Variants in PUM1 observed in about 807,000 individuals in gnomAD.
The protein encoded by PUM1 is pumilio RNA binding family member 1, also known as pumilio homolog 1.
PUM1 carries 13 observed loss-of-function variants against 131.8 expected under a neutral mutation model. The observed-to-expected ratio is 0.10, with a 90% CI of 0.06 to 0.16. The LOEUF (loss-of-function observed/expected upper bound fraction) is 0.16, where lower values mean the gene tolerates loss of function less well. PUM1 is among the 10% of genes least tolerant of loss of function. PUM1 has a pLI of 1.00. For missense variants in PUM1, 961 were observed against 1,512.4 expected (o/e 0.64, Z 6.05); for synonymous variants, 509 against 556.5 (o/e 0.91, Z 1.20).
chr1:31,062,291 A>C (rs1161018015), intron 1 of PUM1, among the ~76,000 whole-genome samples: 2 of 152,204 alleles, frequency 1.3e-5, no homozygotes, highest in Non-Finnish European at 2.9e-5. Flanking sequence ...TCTGTACTTA[A>C]GATAGAACAC....
intron 5 of PUM1, among the ~76,000 whole-genome samples, chr1:31,002,133 A>G (rs1642238823): frequency 6.6e-6 from 1 of 152,226 alleles, no homozygotes; most frequent in Non-Finnish European, 1.5e-5. Context: ...ATTAAGGTCC[A>G]TTTGAAACTC....
At chr1:30,944,621 A>G (rs1362777175) in intron 18 of PUM1, among the ~76,000 whole-genome samples, 2 of 152,226 alleles carry the variant, frequency 1.3e-5, no homozygotes, top group African/African-American at 4.8e-5. Context: ...TTCCAAAAAA[A>G]TTTAAGCAAA....
chr1:30,981,104 T>C (rs958294516), intron 8 of PUM1, among the ~76,000 whole-genome samples: 1 of 151,916 alleles, frequency 6.6e-6, no homozygotes, highest in Non-Finnish European at 1.5e-5. Context: ...GGCTGAACAC[T>C]GAAGAAATGT....
At chr1:31,038,686 T>C (rs1464060899) in intron 2 of PUM1, among the ~76,000 whole-genome samples, 2 of 152,082 alleles carry the variant, frequency 1.3e-5, no homozygotes, top group Non-Finnish European at 1.5e-5. Context: ...CGCATACAAA[T>C]ACACACAACT....
intron 2 of PUM1, among the ~76,000 whole-genome samples, chr1:31,047,717 TG>T (rs1440593473): frequency 1.3e-5 from 2 of 152,100 alleles, no homozygotes; most frequent in East Asian, 3.9e-4. Context: ...TGGAGGTGGG[TG>T]GATCACCTGA....
At chr1:30,964,450 C>G (rs1380004925) in intron 14 of PUM1, among the ~76,000 whole-genome samples, 5 of 152,106 alleles carry the variant, frequency 3.3e-5, no homozygotes, top group Non-Finnish European at 7.4e-5. Flanking sequence ...CATACTAAAG[C>G]TAACTGAATA....
intron 20 of PUM1, 138 bp from the exon 21 acceptor site, chr1:30,936,973 A>C: frequency 1.4e-6 from 1 of 705,026 alleles, no homozygotes; most frequent in Non-Finnish European, 2.3e-6. Context: ...ATGAGTCGCC[A>C]ACTGTCTGAC....
rs9286937 is a variant in PUM1, at chr1:30,997,495, CTTT to C, written c.721-2278_721-2276del. The stretch of plus-strand genomic sequence containing the variant: ...CCTAGGCAACAAGAGTGAAACTCGT[CTTT>C]TTTTTTTTTTTTTTTTTTAAAGGAA... On this transcript the variant is annotated intron_variant, in intron 5 of 21. Coordinates refer to ENST00000426105, the MANE Select transcript of PUM1 (RefSeq NM_001020658.2). Among the ~76,000 whole-genome samples, 229 of 129,790 alleles carry C rather than the reference CTTT, an allele frequency of 1.8e-3. 3 individuals are homozygous for C. The South Asian group carries it at 0.02, about 11-fold the overall frequency. 85.1% of individuals were successfully genotyped at this position (129,790 alleles called of 152,430 possible). A position where few individuals can be genotyped will look rare whatever the true frequency, so the allele number is the denominator to read the frequency against.
intron 18 of PUM1, 68 bp from the exon 19 acceptor site, chr1:30,942,191 T>TTATATTTATA (rs1639466763): frequency 7.0e-6 from 1 of 143,388 alleles, no homozygotes; most frequent in African/African-American, 6.0e-5. Context: ...TCAGTATTGT[T>TTATATTTATA]TATATATATA....
chr1:30,984,428 T>C (rs1331412293), intron 7 of PUM1, among the ~76,000 whole-genome samples: 1 of 152,194 alleles, frequency 6.6e-6, no homozygotes. Context: ...ATTTTCATGT[T>C]TTTCACAAAG....
At chr1:31,010,656 A>G (rs1642579150) in intron 3 of PUM1, among the ~76,000 whole-genome samples, 1 of 152,224 alleles carries the variant, frequency 6.6e-6, no homozygotes, top group Non-Finnish European at 1.5e-5. Flanking sequence ...TCCAACAACC[A>G]GCAAAGAATG....
intron 21 of PUM1, 65 bp downstream of exon 21, chr1:30,936,578 T>C: frequency 6.9e-7 from 1 of 1,452,622 alleles, no homozygotes; most frequent in Non-Finnish European, 9.4e-7. Flanking sequence ...CACCCTCCTT[T>C]GTGTTTCAGA....
At position 31,003,545 on chromosome 1, in the gene PUM1, T is replaced by C. The variant is rs190765915; in HGVS notation, c.720+2308A>G. Among the ~76,000 whole-genome samples the C allele has an allele frequency of 1.4e-3, 220 of 152,190 alleles. 1 individual carries two copies. Among genetic ancestry groups the C allele is most frequent in the African/African-American group, 5.1e-3 (211 of 41,532 alleles). On this transcript the variant is annotated intron_variant, in intron 5 of 21. Coordinates refer to ENST00000426105, the MANE Select transcript of PUM1 (RefSeq NM_001020658.2). The stretch of plus-strand genomic sequence containing the variant: ...GCTGAGGTGGGAAGATCACCTGAGG[T>C]CAGGAGTTTGAGACCAGCCTGGCCA...
At chr1:31,005,808 AG>A in intron 5 of PUM1, 44 bp downstream of exon 5, 2 of 1,506,928 alleles carry the variant, frequency 1.3e-6, no homozygotes, top group Non-Finnish European at 8.9e-7. Flanking sequence ...AGAGAGAGAG[AG>A]AGAGAGAGAG....
intron 6 of PUM1, among the ~76,000 whole-genome samples, chr1:30,993,354 A>C (rs538179204): frequency 2.0e-5 from 3 of 151,804 alleles, no homozygotes; most frequent in Non-Finnish European, 4.4e-5. Flanking sequence ...AAAAAAAAAA[A>C]AAAAAACAGG....
intron 9 of PUM1, 87 bp from the exon 10 acceptor site, chr1:30,974,889 C>T: frequency 1.0e-6 from 1 of 988,560 alleles, no homozygotes; most frequent in Non-Finnish European, 1.5e-6. Context: ...CTCAATAGAT[C>T]CTACTGTAAA....
At chr1:30,964,630 G>T in intron 14 of PUM1, 44 bp downstream of exon 14, 1 of 1,508,616 alleles carries the variant, frequency 6.6e-7, no homozygotes, top group Non-Finnish European at 9.2e-7. Context: ...TCGGTGGCAA[G>T]AGAGTTCTAG....
At chr1:31,038,927 T>G (rs1487291693) in intron 2 of PUM1, among the ~76,000 whole-genome samples, 1 of 137,964 alleles carries the variant, frequency 7.2e-6, no homozygotes, top group Admixed American at 7.5e-5. Context: ...ACTTAGAGAA[T>G]TTATATAGCC....
intron 14 of PUM1, among the ~76,000 whole-genome samples, chr1:30,956,323 GTGCAATCTCAGCTCAC>G (rs1241135656): frequency 6.6e-6 from 1 of 152,014 alleles, no homozygotes; most frequent in East Asian, 1.9e-4. Flanking sequence ...GAGTGCAATG[GTGCAATCTCAGCTCAC>G]TGCAATCTCC....
Sources: allele counts gnomAD v4.1 joint callset (sites outside exome capture counted in the v4.1 genomes callset), GRCh38; gene constraint gnomAD v4.1.1; transcripts MANE v1.5; gene names NCBI Gene and HGNC (gene_info 2026-07-23, HGNC 2026-07-21).